CNTNAP5: variants seen among roughly 807,000 people sequenced by gnomAD.
The protein encoded by CNTNAP5 is contactin-associated protein-like 5.
In CNTNAP5, 72 loss-of-function variants were observed where a neutral mutation model predicts 150.2. The ratio of observed to expected loss-of-function variants is 0.48; its 90% confidence interval spans 0.40 to 0.58. The LOEUF is 0.58. CNTNAP5 is among the 20% of genes least tolerant of loss of function. The probability of loss-of-function intolerance (pLI) is 0.00; values close to 1 mark genes in which losing one functional copy is unlikely to be tolerated. For synonymous variants in CNTNAP5, 672 were observed against 619.8 expected, an observed-to-expected ratio of 1.08 and a Z score of -1.25; for missense variants, 1,636 against 1,626.2, an observed-to-expected ratio of 1.01 and a Z score of -0.10.
At chr2:124,823,301 T>C (rs1231195230) in intron 19 of CNTNAP5, among the ~76,000 whole-genome samples, 1 of 152,186 alleles carries the variant, frequency 6.6e-6, no homozygotes, top group Non-Finnish European at 1.5e-5. Flanking sequence ...GTCCTGTTGA[T>C]CTTTAGAGCC....
intron 3 of CNTNAP5, among the ~76,000 whole-genome samples, chr2:124,376,532 A>T (rs529419421): frequency 6.6e-6 from 1 of 152,122 alleles, no homozygotes; most frequent in African/African-American, 2.4e-5. Context: ...AAACTAAAAT[A>T]CCAGGATGCT....
chr2:124,219,808 C>A (rs535042989), intron 1 of CNTNAP5, among the ~76,000 whole-genome samples: 2 of 152,004 alleles, frequency 1.3e-5, no homozygotes, highest in Non-Finnish European at 2.9e-5. Flanking sequence ...TATGTATGCA[C>A]CTTCTGTCAC....
At chr2:124,109,547 T>G (rs1683248739) in intron 1 of CNTNAP5, among the ~76,000 whole-genome samples, 2 of 152,188 alleles carry the variant, frequency 1.3e-5, no homozygotes, top group African/African-American at 4.8e-5. Context: ...GTTGTGGTCC[T>G]TCAGGGAATA....
chr2:124,170,664 T>C (rs113413537), intron 1 of CNTNAP5, among the ~76,000 whole-genome samples: 9,210 of 152,214 alleles, frequency 0.061, 389 homozygotes, highest in Non-Finnish European at 0.095. Flanking sequence ...GTGGCGGCCA[T>C]GGGCCACGGT....
intron 10 of CNTNAP5, among the ~76,000 whole-genome samples, chr2:124,542,118 A>T (rs1440039727): frequency 6.6e-6 from 1 of 151,798 alleles, no homozygotes; most frequent in Non-Finnish European, 1.5e-5. Flanking sequence ...CTGTATGTGC[A>T]TTTCACATGA....
intron 11 of CNTNAP5, among the ~76,000 whole-genome samples, chr2:124,608,551 G>A (rs146284325): frequency 4.4e-4 from 67 of 152,128 alleles, no homozygotes; most frequent in African/African-American, 1.4e-3. Flanking sequence ...CTGTTGACAC[G>A]TATTAGGAAC....
intron 14 of CNTNAP5, 148 bp downstream of exon 14, chr2:124,747,533 G>A (rs1680630755): frequency 3.5e-6 from 3 of 868,306 alleles, no homozygotes; most frequent in African/African-American, 3.4e-5. Flanking sequence ...CCTTAAAAAT[G>A]GTAAATTCTA....
At chr2:124,362,151 C>T (rs987114752) in intron 3 of CNTNAP5, among the ~76,000 whole-genome samples, 11 of 152,236 alleles carry the variant, frequency 7.2e-5, no homozygotes, top group Admixed American at 2.0e-4. Flanking sequence ...TGAGGCAATG[C>T]CTCGCCCTGC....
intron 6 of CNTNAP5, among the ~76,000 whole-genome samples, chr2:124,464,586 C>T (rs1165871780): frequency 6.6e-6 from 1 of 152,136 alleles, no homozygotes; most frequent in African/African-American, 2.4e-5. Context: ...TCCTGTCAAA[C>T]AGTAAAACAT....
At chr2:124,445,058 G>T (rs1558905312) in intron 5 of CNTNAP5, among the ~76,000 whole-genome samples, 1 of 151,252 alleles carries the variant, frequency 6.6e-6, no homozygotes, top group Non-Finnish European at 1.5e-5. Context: ...ACTGTGACCA[G>T]CTCAGGTGGA....
chr2:124,278,689 T>C (rs533634870), intron 3 of CNTNAP5, among the ~76,000 whole-genome samples: 1 of 152,300 alleles, frequency 6.6e-6, no homozygotes, highest in South Asian at 2.1e-4. Context: ...ACAGGTGACC[T>C]TTAGCAAATA....
chr2:124,204,704 G>A (rs890519851), intron 1 of CNTNAP5, among the ~76,000 whole-genome samples: 4 of 152,112 alleles, frequency 2.6e-5, no homozygotes, highest in Non-Finnish European at 5.9e-5. Flanking sequence ...CAGGGGAATT[G>A]CCCTTTATAA....
chr2:124,659,986 A>G (rs937886397), intron 13 of CNTNAP5, among the ~76,000 whole-genome samples: 3 of 151,590 alleles, frequency 2.0e-5, no homozygotes, highest in Admixed American at 2.0e-4. Context: ...TATTTCAGAT[A>G]AGGAGTCACA....
At position 124,453,937 on chromosome 2, in the gene CNTNAP5, A is replaced by G. The variant is rs77089476; in HGVS notation, c.918+7000A>G. On this transcript the variant is annotated intron_variant, in intron 6 of 23. Transcript: ENST00000682447. ...ACATAAAAAAAAAGAGCCTCTTTAAAGCATAAATCTCACAGGACCTACAAA... is the reference window on the plus strand; with the variant it reads ...ACATAAAAAAAAAGAGCCTCTTTAAGGCATAAATCTCACAGGACCTACAAA... Among the ~76,000 whole-genome samples, 368 of 152,320 alleles carry G rather than the reference A, an allele frequency of 2.4e-3. 4 individuals are homozygous for G. Among genetic ancestry groups the G allele is most frequent in the African/African-American group, 8.3e-3 (344 of 41,570 alleles).
chr2:124,090,744 T>A (rs187047229), intron 1 of CNTNAP5, among the ~76,000 whole-genome samples: 1 of 152,178 alleles, frequency 6.6e-6, no homozygotes, highest in Non-Finnish European at 1.5e-5. Flanking sequence ...TACGAGAAAC[T>A]TTTTTGTTAT....
rs1023627815 is a variant in CNTNAP5 at position 124,786,380 on chromosome 2, A to G, written c.2753-3522A>G. 3.6e-3 allele frequency among the ~76,000 whole-genome samples: 318 copies of G among 87,676 alleles called. 4 individuals are homozygous for G. Among genetic ancestry groups the G allele is most frequent in the African/African-American group, 0.016 (306 of 18,744 alleles). The allele number at this position is 87,676 out of a possible 152,430, so 57.5% of individuals were successfully genotyped here. ...GAAAGAAAGAAAGAAAGAAAGAAAG[A>G]AAGAAAGAAAGAAAGAAAGAAGGAA... On this transcript the variant is annotated intron_variant, in intron 17 of 23. Transcript: ENST00000682447.
intron 5 of CNTNAP5, among the ~76,000 whole-genome samples, chr2:124,436,634 C>A (rs542032356): frequency 6.6e-6 from 1 of 152,262 alleles, no homozygotes; most frequent in East Asian, 1.9e-4. Flanking sequence ...GCTATGCTGG[C>A]TTTTCTGAAA....
At chr2:124,466,719 C>T (rs1057354067) in intron 6 of CNTNAP5, among the ~76,000 whole-genome samples, 3 of 152,100 alleles carry the variant, frequency 2.0e-5, no homozygotes, top group African/African-American at 7.2e-5. Context: ...CTGTAAGTTG[C>T]CAACGAATGG....
intron 3 of CNTNAP5, among the ~76,000 whole-genome samples, chr2:124,338,762 G>A (rs900271544): frequency 6.6e-6 from 1 of 152,064 alleles, no homozygotes; most frequent in African/African-American, 2.4e-5. Flanking sequence ...TTAGTTCTGA[G>A]GCAGCTTCTG....
Sources: allele counts gnomAD v4.1 joint callset (sites outside exome capture counted in the v4.1 genomes callset), GRCh38; gene constraint gnomAD v4.1.1; transcripts MANE v1.5; gene names NCBI Gene and HGNC (gene_info 2026-07-23, HGNC 2026-07-21).